The following IRF5 variants were observed in gnomAD, a reference collection of about 807,000 sequenced individuals.
IRF5 encodes interferon regulatory factor 5.
In IRF5, 24 loss-of-function variants were observed where a neutral mutation model predicts 55.1. The ratio of observed to expected loss-of-function variants is 0.44; its 90% CI spans 0.32 to 0.61. The LOEUF (loss-of-function observed/expected upper bound fraction) is 0.61. IRF5 is among the 20% of genes least tolerant of loss of function. The pLI is 0.07. For missense variants in IRF5, 499 were observed against 658.5 expected (o/e 0.76, Z 2.65); for synonymous variants, 258 against 260.2 (o/e 0.99, Z 0.08).
At position 128,948,377 on chromosome 7, in the gene IRF5, T is replaced by C. The variant is rs1283288080; in HGVS notation, c.1299+49T>C. On this transcript the variant is annotated intron_variant, in intron 8 of 8. Transcript: ENST00000357234. This position sits in a 1 kb window ranked among gnomAD's most constrained non-coding sequence, Gnocchi z 4.6. Reference sequence around the variant, plus strand: ...CGGCCTTGGCTTGAAAACTGGGGAATCCTGGGGCTAGGCCCTTGCCCCAGG... The same window carrying C: ...CGGCCTTGGCTTGAAAACTGGGGAACCCTGGGGCTAGGCCCTTGCCCCAGG... 4 of 1,514,014 alleles carry C rather than the reference T, an allele frequency of 2.6e-6. No individual in the cohort carries two copies. The highest frequency in any genetic ancestry group is 3.6e-6 in the Non-Finnish European group (4 of 1,118,988). 93.8% of individuals were successfully genotyped at this position (1,514,014 alleles called of 1,614,324 possible).
chr7:128,939,988 A>G (rs3778753), intron 1 of IRF5, among the ~76,000 whole-genome samples: 62,702 of 151,576 alleles, frequency 0.41, 13,390 homozygotes, highest in Middle Eastern at 0.51. Context: ...GGGAGCTTCT[A>G]GGAGGATGGA....
chr7:128,941,026 C>T (rs1795990290), intron 1 of IRF5, among the ~76,000 whole-genome samples: 1 of 152,366 alleles, frequency 6.6e-6, no homozygotes, highest in East Asian at 1.9e-4. Flanking sequence ...ATGACCCAGT[C>T]CTTTCTGTCT....
In IRF5 at chr7:128,946,102, T is replaced by C. The variant is rs1054048690; in HGVS notation, c.385+68T>C. ...AATGTCCTGGCCCCCAGCCATGAGC[T>C]CTTGGGTGCAGGCAGGCCAAGGGCC... On this transcript the variant is annotated intron_variant, in intron 3 of 8. Coordinates refer to ENST00000357234, the MANE Select transcript of IRF5 (RefSeq NM_001098629.3). This position sits in a 1 kb window ranked among gnomAD's most constrained non-coding sequence, Gnocchi z 4.2. 53 of 1,440,174 alleles carry C rather than the reference T, an allele frequency of 3.7e-5. No individual in the cohort carries two copies. The highest frequency in any genetic ancestry group is 4.6e-5 in the Non-Finnish European group (50 of 1,076,796). 89.2% of individuals were successfully genotyped at this position (1,440,174 alleles called of 1,614,324 possible).
intron 2 of IRF5, among the ~76,000 whole-genome samples, chr7:128,944,568 C>A (rs569793711): frequency 6.6e-6 from 1 of 152,306 alleles, no homozygotes; most frequent in East Asian, 1.9e-4. Flanking sequence ...TTCCCTGGTT[C>A]ATCACCACCC....
chr7:128,944,984 G>A (rs1461706468), intron 2 of IRF5, among the ~76,000 whole-genome samples: 3 of 152,166 alleles, frequency 2.0e-5, no homozygotes, highest in Admixed American at 6.5e-5. Context: ...CAAATAGCTG[G>A]GTTAAAAGGT....
Position 128,946,119 on chromosome 7 carries a change from C to A in IRF5, c.385+85C>A. On this transcript the variant is annotated intron_variant, in intron 3 of 8. Transcript: ENST00000357234. This position sits in a 1 kb window ranked among gnomAD's most constrained non-coding sequence, Gnocchi z 4.2. Reference sequence around the variant, plus strand: ...CCATGAGCTCTTGGGTGCAGGCAGGCCAAGGGCCCCTCTAGCAGGCAGTGG... The same window carrying A: ...CCATGAGCTCTTGGGTGCAGGCAGGACAAGGGCCCCTCTAGCAGGCAGTGG... 1 of 1,286,032 alleles carries A rather than the reference C, an allele frequency of 7.8e-7. No individual in the cohort carries two copies. The highest frequency in any genetic ancestry group is 1.1e-6 in the Non-Finnish European group (1 of 946,560). 79.7% of individuals were successfully genotyped at this position (1,286,032 alleles called of 1,614,324 possible). A position where few individuals can be genotyped will look rare whatever the true frequency, so the allele number is the denominator to read the frequency against.
Position 128,948,259 on chromosome 7 carries a change from G to T in IRF5, c.1230G>T (p.Glu410Asp). The change falls in exon 8 of 9, where the codon GAG (glutamate) becomes GAT (aspartate). Residue 410 changes from glutamate to aspartate, a missense_variant. Transcript: ENST00000357234. This position sits in a 1 kb window ranked among gnomAD's most constrained non-coding sequence, Gnocchi z 4.6. ...KGQTNTPPPF[E>D]IFFCFGEEWP... is the part of the protein sequence containing the mutation. Reference sequence around the variant, plus strand: ...AGACCAACACCCCACCACCCTTCGAGATCTTCTTCTGCTTTGGGGAAGAAT... The same window carrying T: ...AGACCAACACCCCACCACCCTTCGATATCTTCTTCTGCTTTGGGGAAGAAT... The T allele has an allele frequency of 6.2e-7, 1 of 1,613,878 alleles. No homozygotes were observed. Among genetic ancestry groups the T allele is most frequent in the South Asian group, 1.1e-5 (1 of 91,034 alleles).
intron 2 of IRF5, 83 bp from the exon 3 acceptor site, chr7:128,945,762 A>G: frequency 1.5e-6 from 2 of 1,353,180 alleles, no homozygotes; most frequent in Non-Finnish European, 2.0e-6. Flanking sequence ...CCCACACAGT[A>G]GAGTCTCCTA....
At chr7:128,944,399 T>C (rs148313481) in intron 2 of IRF5, among the ~76,000 whole-genome samples, 38 of 152,378 alleles carry the variant, frequency 2.5e-4, no homozygotes, top group African/African-American at 8.2e-4. Context: ...AGGCAATGCT[T>C]ATTTTTTAAA....
Position 128,948,547 on chromosome 7 carries a change from T to G in IRF5, c.1300-26T>G. The G allele has an allele frequency of 6.2e-7, 1 of 1,611,882 alleles. No homozygotes were observed. The highest frequency in any genetic ancestry group is 8.5e-7 in the Non-Finnish European group (1 of 1,179,686). On this transcript the variant is annotated intron_variant, in intron 8 of 8. Transcript: ENST00000357234. The surrounding 1 kb of genome is among the most constrained non-coding windows in gnomAD (Gnocchi z 4.6). ...CTGGCAGCCCTGCCACAGGTCTCCC[T>G]GTCTCATCTCCTCTTTGCCTCCCAG...
chr7:128,947,217 G>A lies in IRF5; in HGVS notation c.482-13G>A, dbSNP rs201234712. On this transcript the variant is annotated splice_polypyrimidine_tract_variant and intron_variant, in intron 5 of 8. Transcript: ENST00000357234. The surrounding 1 kb of genome is among the most constrained non-coding windows in gnomAD (Gnocchi z 6.5). ...AGGTGGCACTGACAGCCGTCCACAC[G>A]CACTCTCTGTAGATGCAGTGCAGTC... 34 of 1,598,424 alleles carry A rather than the reference G, an allele frequency of 2.1e-5. No homozygotes were observed. Among genetic ancestry groups the A allele is most frequent in the East Asian group, 2.0e-4 (9 of 44,728 alleles).
Position 128,945,844 on chromosome 7 carries a change from G to A in IRF5, c.196-1G>A. On this transcript the variant is annotated splice_acceptor_variant, in intron 2 of 8. Transcript: ENST00000357234. LOFTEE classifies it high-confidence loss of function. Reference sequence around the variant, plus strand: ...TGGTCGGCTATTTCTTCCTGCCCCAGGCCTGGGCCAAGGAGACAGGGAAAT... The same window carrying A: ...TGGTCGGCTATTTCTTCCTGCCCCAAGCCTGGGCCAAGGAGACAGGGAAAT... The A allele has an allele frequency of 6.2e-7, 1 of 1,606,994 alleles. No homozygotes were observed. The highest frequency in any genetic ancestry group is 8.5e-7 in the Non-Finnish European group (1 of 1,178,102).
Position 128,948,581 on chromosome 7 carries a change from T to G in IRF5, c.1308T>G (p.Pro436=). Residue 436 remains proline (P), a synonymous_variant, in exon 9 of 9, where the codon CCT becomes CCG. Transcript: ENST00000357234. This position sits in a 1 kb window ranked among gnomAD's most constrained non-coding sequence, Gnocchi z 4.6. The part of the protein sequence containing the change: ...EKKLITVQVV[P]VAARLLLEMF... ...TCCTCTTTGCCTCCCAGGTGGTGCCTGTAGCAGCTCGACTGCTGCTGGAGA... is the reference window on the plus strand; with the variant it reads ...TCCTCTTTGCCTCCCAGGTGGTGCCGGTAGCAGCTCGACTGCTGCTGGAGA... 6.2e-7 allele frequency: 1 copy of G among 1,613,864 alleles called. No individual in the cohort carries two copies. The highest frequency in any genetic ancestry group is 8.5e-7 in the Non-Finnish European group (1 of 1,180,046).
In IRF5 at chr7:128,946,735, T is replaced by A. The variant is rs1438561755; in HGVS notation, c.447+173T>A. 4.7e-6 allele frequency: 3 copies of A among 636,970 alleles called. No homozygotes were observed. The African/African-American group carries it at 5.5e-5, about 12-fold the overall frequency. 39.5% of individuals were successfully genotyped at this position (636,970 alleles called of 1,614,324 possible). Reference sequence around the variant, plus strand: ...AGGAGCACAGTCCCCACCTGCTCCTTCCCAGGGCATTGTCATTACCCTGTG... The same window carrying A: ...AGGAGCACAGTCCCCACCTGCTCCTACCCAGGGCATTGTCATTACCCTGTG... On this transcript the variant is annotated intron_variant, in intron 4 of 8. Coordinates refer to ENST00000357234, the MANE Select transcript of IRF5 (RefSeq NM_001098629.3). This position sits in a 1 kb window ranked among gnomAD's most constrained non-coding sequence, Gnocchi z 4.2.
In IRF5 at chr7:128,946,620, C is replaced by G. The variant is rs779736518; in HGVS notation, c.447+58C>G. The G allele has an allele frequency of 8.2e-7, 1 of 1,214,044 alleles. No individual in the cohort carries two copies. The highest frequency in any genetic ancestry group is 1.5e-5 in the African/African-American group (1 of 67,284). The allele number at this position is 1,214,044 out of a possible 1,614,324, so 75.2% of individuals were successfully genotyped here. On this transcript the variant is annotated intron_variant, in intron 4 of 8. Transcript: ENST00000357234. The surrounding 1 kb of genome is among the most constrained non-coding windows in gnomAD (Gnocchi z 4.2). ...TGGACGAGCTCTCTGCTGTCCCCATCGGCCTTAGGTTTCCGCAGCCCCACT... is the reference window on the plus strand; with the variant it reads ...TGGACGAGCTCTCTGCTGTCCCCATGGGCCTTAGGTTTCCGCAGCCCCACT...
rs1197619100 is a variant in IRF5, at chr7:128,947,389, G to C, written c.641G>C (p.Ser214Thr). 8 of 1,610,418 alleles carry C rather than the reference G, an allele frequency of 5.0e-6. No homozygotes were observed. The change falls in exon 6 of 9, where the codon AGC becomes ACC. Residue 214 changes from serine (S) to threonine (T), a missense_variant. Ser to Thr is a moderately conservative substitution (Grantham distance 58, BLOSUM62 1). Coordinates refer to ENST00000357234, the MANE Select transcript of IRF5 (RefSeq NM_001098629.3). The surrounding 1 kb of genome is among the most constrained non-coding windows in gnomAD (Gnocchi z 6.5). ...CTGGGTCCCCCTGCTCCAGACCCCA[G>C]CCCCCTGGCTCCTCCCCCTGGCAAC... ...VVLGPPAPDP[S>T]PLAPPPGNPA...
Position 128,948,392 on chromosome 7 carries a change from C to T in IRF5, c.1299+64C>T, listed in dbSNP as rs968329406. On this transcript the variant is annotated intron_variant, in intron 8 of 8. Coordinates refer to ENST00000357234, the MANE Select transcript of IRF5 (RefSeq NM_001098629.3). This position sits in a 1 kb window ranked among gnomAD's most constrained non-coding sequence, Gnocchi z 4.6. ...AACTGGGGAATCCTGGGGCTAGGCC[C>T]TTGCCCCAGGCTGGAGGCTCAGGGC... 32 of 1,492,870 alleles carry T rather than the reference C, an allele frequency of 2.1e-5. No individual in the cohort carries two copies. The Admixed American group carries it at 6.6e-4, about 31-fold the overall frequency. The allele number at this position is 1,492,870 out of a possible 1,614,324, so 92.5% of individuals were successfully genotyped here. A position where few individuals can be genotyped will look rare whatever the true frequency, so the allele number is the denominator to read the frequency against.
Position 128,948,247 on chromosome 7 carries a change from A to G in IRF5, c.1218A>G (p.Pro406=). 2 of 1,613,578 alleles carry G rather than the reference A, an allele frequency of 1.2e-6. No individual in the cohort carries two copies. Among genetic ancestry groups the G allele is most frequent in the Non-Finnish European group, 1.7e-6 (2 of 1,179,850 alleles). The part of the protein sequence containing the change: ...ILFQKGQTNT[P]PPFEIFFCFG... The stretch of plus-strand genomic sequence containing the variant: ...TCCAAAAGGGCCAGACCAACACCCC[A>G]CCACCCTTCGAGATCTTCTTCTGCT... The change falls in exon 8 of 9, where the codon CCA becomes CCG. Residue 406 remains proline (P), a synonymous_variant. Transcript: ENST00000357234. This position sits in a 1 kb window ranked among gnomAD's most constrained non-coding sequence, Gnocchi z 4.6.
At position 128,946,588 on chromosome 7, in the gene IRF5, G is replaced by A. The variant is rs1445971872; in HGVS notation, c.447+26G>A. The A allele has an allele frequency of 8.0e-6, 12 of 1,502,710 alleles. No homozygotes were observed. The highest frequency in any genetic ancestry group is 1.0e-5 in the Non-Finnish European group (11 of 1,092,138). 93.1% of individuals were successfully genotyped at this position (1,502,710 alleles called of 1,614,324 possible). On this transcript the variant is annotated intron_variant, in intron 4 of 8. Transcript: ENST00000357234. The surrounding 1 kb of genome is among the most constrained non-coding windows in gnomAD (Gnocchi z 4.2). ...GTGAGTGTGGGTTGAGGAGGCAGGTGGAGCCCTGGACGAGCTCTCTGCTGT... is the reference window on the plus strand; with the variant it reads ...GTGAGTGTGGGTTGAGGAGGCAGGTAGAGCCCTGGACGAGCTCTCTGCTGT...
Sources: gnomAD v4.1 joint callset for allele counts (sites outside exome capture counted in the v4.1 genomes callset) on GRCh38, gnomAD v4.1.1 for gene constraint, Gnocchi (gnomAD v3.1) non-coding constraint, MANE v1.5 for transcripts, NCBI Gene and HGNC (gene_info 2026-07-23, HGNC 2026-07-21) for gene names.